The following EFCAB6 variants were observed in gnomAD, a reference collection of about 807,000 sequenced individuals.
EFCAB6 encodes the protein EF-hand calcium binding domain 6.
In EFCAB6, 156 loss-of-function variants were observed where a neutral mutation model predicts 169.8. The ratio of observed to expected loss-of-function variants is 0.92; its 90% CI spans 0.81 to 1.05. The LOEUF (loss-of-function observed/expected upper bound fraction) is 1.05. EFCAB6 is among the 50% of genes least tolerant of loss of function. The pLI is 0.00. For missense variants in EFCAB6, 1,800 were observed against 1,829.1 expected (o/e 0.98, Z 0.29); for synonymous variants, 698 against 676.4 (o/e 1.03, Z -0.50).
chr22:43,688,310 C>G (rs939230648), intron 10 of EFCAB6, among the ~76,000 whole-genome samples: 1 of 152,218 alleles, frequency 6.6e-6, no homozygotes, highest in Non-Finnish European at 1.5e-5. Flanking sequence ...GGGCTTCTAA[C>G]CTACCAAACA....
chr22:43,736,237 G>A (rs551084375), intron 6 of EFCAB6, among the ~76,000 whole-genome samples: 1 of 152,260 alleles, frequency 6.6e-6, no homozygotes, highest in African/African-American at 2.4e-5. Context: ...TCTTTCTCAT[G>A]TAAAGCAGTA....
Position 43,563,076 on chromosome 22 carries a change from G to A in EFCAB6, c.3421-7980C>T, listed in dbSNP as rs536292232. ...AGGGCCAGACCTGCCCTTGTTCAGC[G>A]CCTCACAGGGTGCGCTCCTGAGCAG... On this transcript the variant is annotated intron_variant, in intron 26 of 31. Coordinates refer to ENST00000262726, the MANE Select transcript of EFCAB6 (RefSeq NM_022785.4). Among the ~76,000 whole-genome samples, 13 of 152,296 alleles carry A rather than the reference G, an allele frequency of 8.5e-5. No homozygotes were observed. In the South Asian group the frequency reaches 1.2e-3, roughly 15 times the overall value.
intron 2 of EFCAB6, among the ~76,000 whole-genome samples, chr22:43,808,167 G>A (rs113004091): frequency 1.0e-3 from 157 of 152,268 alleles, no homozygotes; most frequent in Admixed American, 2.6e-3. Flanking sequence ...ATGGTATAAC[G>A]ATTTCCATAG....
chr22:43,635,103 T>C lies in EFCAB6; in HGVS notation c.2097A>G (p.Glu699=). ...GGTGTGGACTTGGCCATTAGCTACC[T>C]TCAAATCCTGCTGCAAAATCAAGAT... ...MSYLDFAAGF[E]DPPMRGPETT... The change falls in exon 18 of 32, where the codon GAA becomes GAG. Residue 699 remains glutamate (E), a splice_region_variant and synonymous_variant. Coordinates refer to ENST00000262726, the MANE Select transcript of EFCAB6 (RefSeq NM_022785.4). The C allele has an allele frequency of 6.2e-7, 1 of 1,613,998 alleles. No individual in the cohort carries two copies. Among genetic ancestry groups the C allele is most frequent in the Non-Finnish European group, 8.5e-7 (1 of 1,179,888 alleles).
rs774159660 is a variant in EFCAB6, at chr22:43,716,943, T to G, written c.787A>C (p.Asn263His). ...EVSLENQQAK[N>H]SKKERLLGSA... is the part of the protein sequence containing the mutation. ...CCTAGCAAACGTTCCTTTTTGGAAT[T>G]TTTGGCTTGTTGATTCTCCAACGAG... Residue 263 changes from asparagine (N) to histidine (H), a missense_variant, in exon 9 of 32, where the codon AAT becomes CAT. By Grantham distance (68) the Asn-to-His change is moderately conservative. Coordinates refer to ENST00000262726, the MANE Select transcript of EFCAB6 (RefSeq NM_022785.4). 1 of 1,569,848 alleles carries G rather than the reference T, an allele frequency of 6.4e-7. No homozygotes were observed. The highest frequency in any genetic ancestry group is 8.6e-7 in the Non-Finnish European group (1 of 1,160,112).
chr22:43,604,141 T>C (rs1357572207), intron 22 of EFCAB6, among the ~76,000 whole-genome samples: 2 of 152,170 alleles, frequency 1.3e-5, no homozygotes, highest in Non-Finnish European at 2.9e-5. Context: ...ACACTTCCTG[T>C]ACAGCCTGTG....
At chr22:43,764,406 A>G (rs1402581176) in intron 5 of EFCAB6, among the ~76,000 whole-genome samples, 1 of 152,208 alleles carries the variant, frequency 6.6e-6, no homozygotes, top group Non-Finnish European at 1.5e-5. Flanking sequence ...TCCATGGTGT[A>G]TATGTACCAC....
At position 43,600,090 on chromosome 22, in the gene EFCAB6, G is replaced by A. The variant is rs200323325; in HGVS notation, c.2855C>T (p.Thr952Ile). The change falls in exon 23 of 32, where the codon ACA (threonine) becomes ATA (isoleucine). Residue 952 changes from threonine (T) to isoleucine (I), a missense_variant. Transcript: ENST00000262726. Reference sequence around the variant, plus strand: ...TCACCTGGCTGCCACAGCCTTCTCTGTGCTCTGCTGCAGCTCCTTCATCTC... The same window carrying A: ...TCACCTGGCTGCCACAGCCTTCTCTATGCTCTGCTGCAGCTCCTTCATCTC... ...QEEMKELQQS[T>I]EKAVAARDKL... 9.9e-6 allele frequency: 16 copies of A among 1,613,912 alleles called. No individual in the cohort carries two copies. Among genetic ancestry groups the A allele is most frequent in the Admixed American group, 3.3e-5 (2 of 59,994 alleles).
At chr22:43,782,153 T>C (rs1184956626) in intron 3 of EFCAB6, 27 bp downstream of exon 3, 2 of 1,602,564 alleles carry the variant, frequency 1.2e-6, no homozygotes, top group Non-Finnish European at 1.7e-6. Flanking sequence ...CTACAGTTAG[T>C]GTTCTTATTT....
In EFCAB6 at chr22:43,534,874, T is replaced by A; in HGVS notation, c.4049-2A>T. ...CCAGGTTGAATTTCTCCACAAGAGC[T>A]ACAGAAAAAAATGGCAGTTCAATTG... On this transcript the variant is annotated splice_acceptor_variant, in intron 29 of 31. Coordinates refer to ENST00000262726, the MANE Select transcript of EFCAB6 (RefSeq NM_022785.4). LOFTEE classifies it high-confidence loss of function. 1.9e-6 allele frequency: 3 copies of A among 1,592,276 alleles called. No homozygotes were observed. Among genetic ancestry groups the A allele is most frequent in the Admixed American group, 1.8e-5 (1 of 55,054 alleles).
chr22:43,738,827 A>G (rs1216077821), intron 6 of EFCAB6, among the ~76,000 whole-genome samples: 1 of 152,096 alleles, frequency 6.6e-6, no homozygotes, highest in South Asian at 2.1e-4. Context: ...CCCATTCCCC[A>G]CACCCACTTG....
Position 43,772,993 on chromosome 22 carries a change from T to C in EFCAB6, c.250A>G (p.Thr84Ala). The C allele has an allele frequency of 1.2e-6, 2 of 1,614,256 alleles. No homozygotes were observed. Among genetic ancestry groups the C allele is most frequent in the Non-Finnish European group, 1.7e-6 (2 of 1,180,034 alleles). Residue 84 changes from threonine (T) to alanine (A), a missense_variant, in exon 4 of 32, where the codon ACT becomes GCT. Transcript: ENST00000262726. ...TTTGACACAGTCAAGTTCTGACCAGTATCCAGCAGCTGAAAGGCTTTTTGC... is the reference window on the plus strand; with the variant it reads ...TTTGACACAGTCAAGTTCTGACCAGCATCCAGCAGCTGAAAGGCTTTTTGC... ...ELQKAFQLLD[T>A]GQNLTVSKSE...
chr22:43,713,267 A>G lies in EFCAB6; in HGVS notation c.883-1644T>C, dbSNP rs181582581. On this transcript the variant is annotated intron_variant, in intron 9 of 31. Coordinates refer to ENST00000262726, the MANE Select transcript of EFCAB6 (RefSeq NM_022785.4). ...CAGAGATCGTATCTGTTTTGTTCAC[A>G]AATAATTACCTAGAATGAAGCACAT... Among the ~76,000 whole-genome samples the G allele has an allele frequency of 6.1e-4, 93 of 152,328 alleles. 1 individual carries two copies. The Middle Eastern group carries it at 0.014, about 22-fold the overall frequency.
chr22:43,631,337 G>A (rs1009103088), intron 19 of EFCAB6, among the ~76,000 whole-genome samples: 1 of 151,940 alleles, frequency 6.6e-6, no homozygotes, highest in South Asian at 2.1e-4. Flanking sequence ...ATCTTGTACT[G>A]GCCTCTATGT....
At chr22:43,746,351 A>G (rs1365301115) in intron 6 of EFCAB6, among the ~76,000 whole-genome samples, 1 of 152,226 alleles carries the variant, frequency 6.6e-6, no homozygotes, top group Non-Finnish European at 1.5e-5. Context: ...ACCCCGAAAA[A>G]ATGAGCTAAA....
intron 27 of EFCAB6, among the ~76,000 whole-genome samples, chr22:43,545,609 A>C (rs1602169947): frequency 6.6e-6 from 1 of 152,202 alleles, no homozygotes; most frequent in South Asian, 2.1e-4. Flanking sequence ...AGACTGAGGC[A>C]CAGGCCTGGA....
intron 13 of EFCAB6, among the ~76,000 whole-genome samples, chr22:43,675,501 TTTA>T (rs2057713326): frequency 1.4e-5 from 2 of 140,890 alleles, no homozygotes; most frequent in Admixed American, 7.3e-5. Context: ...TAATATAGGA[TTTA>T]ATATAATATA....
chr22:43,718,063 C>CCCATCCACCCAT, intron 8 of EFCAB6, among the ~76,000 whole-genome samples: 1 of 131,914 alleles, frequency 7.6e-6, no homozygotes, highest in Non-Finnish European at 1.7e-5. Flanking sequence ...CATCCATCCA[C>CCCATCCACCCAT]CCATCCATCC....
At position 43,570,147 on chromosome 22, in the gene EFCAB6, G is replaced by A. The variant is rs538464186; in HGVS notation, c.3420+6150C>T. 4 of 152,236 alleles carry A rather than the reference G, an allele frequency of 2.6e-5. No homozygotes were observed. In the East Asian group the frequency reaches 7.7e-4, roughly 29 times the overall value. 9.4% of individuals were successfully genotyped at this position (152,236 alleles called of 1,614,324 possible). On this transcript the variant is annotated intron_variant, in intron 26 of 31. Coordinates refer to ENST00000262726, the MANE Select transcript of EFCAB6 (RefSeq NM_022785.4). ...CTCTTGGAACAAAAAACATCTTCAA[G>A]TTATTTAACATATAACTGAATGACT...
Sources: allele counts gnomAD v4.1 joint callset (sites outside exome capture counted in the v4.1 genomes callset), GRCh38; gene constraint gnomAD v4.1.1; transcripts MANE v1.5; gene names NCBI Gene and HGNC (gene_info 2026-07-23, HGNC 2026-07-21).